The following CALD1 variants were observed in gnomAD, a reference collection of about 807,000 sequenced individuals.
The protein encoded by CALD1 is caldesmon.
In CALD1, 33 loss-of-function variants were observed where a neutral mutation model predicts 99.9. That is an observed-to-expected ratio of 0.33 (90% CI 0.25 to 0.44). The LOEUF is 0.44. Among genes scored for constraint, CALD1 ranks in the 20% least tolerant of loss-of-function variants. The probability of loss-of-function intolerance (pLI) is 1.00; values close to 1 mark genes in which losing one functional copy is unlikely to be tolerated. For synonymous variants in CALD1, 310 were observed against 325.0 expected, an observed-to-expected ratio of 0.95 and a Z score of 0.50; for missense variants, 861 against 962.1, an observed-to-expected ratio of 0.89 and a Z score of 1.39.
chr7:134,840,010 T>C (rs927087518), intron 1 of CALD1, among the ~76,000 whole-genome samples: 4 of 152,226 alleles, frequency 2.6e-5, no homozygotes, highest in African/African-American at 9.6e-5. Context: ...TCATCCATAT[T>C]GCTAATATTT....
At chr7:134,758,870 T>A (rs898027987) in intron 1 of CALD1, among the ~76,000 whole-genome samples, 1 of 152,052 alleles carries the variant, frequency 6.6e-6, no homozygotes, top group Non-Finnish European at 1.5e-5. Flanking sequence ...GTCACTCAGC[T>A]CAGCACCCAC....
At chr7:134,832,972 T>G (rs536812936) in intron 1 of CALD1, among the ~76,000 whole-genome samples, 2 of 152,246 alleles carry the variant, frequency 1.3e-5, no homozygotes, top group Non-Finnish European at 2.9e-5. Context: ...AATTATTGTC[T>G]TGTCTCTGGA....
chr7:134,830,444 T>G (rs1799175468), intron 1 of CALD1, among the ~76,000 whole-genome samples: 1 of 152,136 alleles, frequency 6.6e-6, no homozygotes, highest in African/African-American at 2.4e-5. Flanking sequence ...GTGCAGGATG[T>G]GCAGGTTTGT....
At chr7:134,800,013 AC>A in intron 1 of CALD1, among the ~76,000 whole-genome samples, 1 of 152,294 alleles carries the variant, frequency 6.6e-6, no homozygotes, top group East Asian at 1.9e-4. Context: ...GAATTAGTTA[AC>A]CTATAGAGGA....
At chr7:134,774,671 G>A (rs1038273873), upstream of CALD1, among the ~76,000 whole-genome samples, 6 of 152,140 alleles carry the variant, frequency 3.9e-5, no homozygotes, top group East Asian at 1.9e-4. Context: ...TCCATATTCC[G>A]AGGTTTTCCC....
chr7:134,914,940 T>C (rs1487742866), intron 3 of CALD1, among the ~76,000 whole-genome samples: 7 of 152,248 alleles, frequency 4.6e-5, no homozygotes, highest in Admixed American at 6.5e-5. Flanking sequence ...ATGAACTCCT[T>C]TCAGGGGTTG....
chr7:134,827,428 G>C (rs1008327998), intron 1 of CALD1, among the ~76,000 whole-genome samples: 26 of 152,136 alleles, frequency 1.7e-4, no homozygotes, highest in Admixed American at 1.7e-3. Context: ...CTCCATACCA[G>C]GTTCTATACT....
Position 134,968,877 on chromosome 7 carries a change from G to A in CALD1, c.*532G>A. On this transcript the variant is annotated 3_prime_UTR_variant, in exon 15 of 15. Transcript: ENST00000361675. ...TTGTCTTTAAAAAAAAAAAAGAAAT[G>A]TACTGTTAAGGTATTACTTTTTTTC... The A allele has an allele frequency of 5.3e-6, 1 of 188,482 alleles. No homozygotes were observed. The highest frequency in any genetic ancestry group is 1.2e-4 in the East Asian group (1 of 8,676). 11.7% of individuals were successfully genotyped at this position (188,482 alleles called of 1,614,324 possible).
At position 134,783,809 on chromosome 7, in the gene CALD1, A is replaced by G. The variant is rs566198808; in HGVS notation, c.-130+4060A>G. Among the ~76,000 whole-genome samples, 3 of 152,260 alleles carry G rather than the reference A, an allele frequency of 2.0e-5. No homozygotes were observed. Among genetic ancestry groups the G allele is most frequent in the Admixed American group, 6.5e-5 (1 of 15,290 alleles). On this transcript the variant is annotated intron_variant, in intron 1 of 14. Transcript: ENST00000361675. This position sits in a 1 kb window ranked among gnomAD's most constrained non-coding sequence, Gnocchi z 4.3. ...CAAGGGTGGATGGGATCAGAACATGAGTGGAGGTGTCCATGATCTGGAAGG... is the reference window on the plus strand; with the variant it reads ...CAAGGGTGGATGGGATCAGAACATGGGTGGAGGTGTCCATGATCTGGAAGG...
rs1292635352 is a variant in CALD1, at chr7:134,969,641, T to C, written c.*1296T>C. ...ATTTCTTCAAACTTTTCTACTTTTATTTGTCATTGATACCTGTAGTAAGTT... is the reference window on the plus strand; with the variant it reads ...ATTTCTTCAAACTTTTCTACTTTTACTTGTCATTGATACCTGTAGTAAGTT... On this transcript the variant is annotated 3_prime_UTR_variant, in exon 15 of 15. Coordinates refer to ENST00000361675, the MANE Select transcript of CALD1 (RefSeq NM_033138.4). 3 of 63,500 alleles carry C rather than the reference T, an allele frequency of 4.7e-5. No individual in the cohort carries two copies. Among genetic ancestry groups the C allele is most frequent in the African/African-American group, 1.3e-4 (3 of 22,356 alleles). 3.9% of individuals were successfully genotyped at this position (63,500 alleles called of 1,614,324 possible).
At chr7:134,912,064 T>C (rs981829959) in intron 3 of CALD1, among the ~76,000 whole-genome samples, 1 of 151,806 alleles carries the variant, frequency 6.6e-6, no homozygotes, top group Admixed American at 6.6e-5. Context: ...TTAAGTGTAA[T>C]CAAAGAGAGC....
chr7:134,784,569 T>G (rs1490279965), intron 1 of CALD1, among the ~76,000 whole-genome samples: 2 of 152,092 alleles, frequency 1.3e-5, no homozygotes, highest in Admixed American at 1.3e-4. Context: ...CTTAGTGAAG[T>G]AGTGTATGGA....
intron 2 of CALD1, among the ~76,000 whole-genome samples, chr7:134,855,540 A>C (rs1800261767): frequency 6.6e-6 from 1 of 152,202 alleles, no homozygotes; most frequent in South Asian, 2.1e-4. Context: ...GAAAAATAAT[A>C]CTCCAAATTC....
chr7:134,730,921 C>T, the CALD1 span, among the ~76,000 whole-genome samples: 1 of 152,080 alleles, frequency 6.6e-6, no homozygotes, highest in African/African-American at 2.4e-5. Context: ...CCCACCTATC[C>T]TACCTCATTG....
chr7:134,947,808 A>G, intron 8 of CALD1, 39 bp downstream of exon 8: 1 of 1,592,994 alleles, frequency 6.3e-7, no homozygotes, highest in Non-Finnish European at 8.5e-7. Flanking sequence ...GTTGCCCGGG[A>G]AAATTCCCTA....
chr7:134,950,666 T>C, intron 9 of CALD1, 152 bp downstream of exon 9: 2 of 646,316 alleles, frequency 3.1e-6, no homozygotes, highest in East Asian at 5.6e-5. Context: ...CAAAATACTT[T>C]AGACTGGGGC....
chr7:134,784,355 C>G (rs1352817775), intron 1 of CALD1, among the ~76,000 whole-genome samples: 1 of 152,244 alleles, frequency 6.6e-6, no homozygotes, highest in East Asian at 1.9e-4. Flanking sequence ...ACCAGGCTGA[C>G]TTCACCTTGT....
At chr7:134,906,012 C>T (rs1389948342) in intron 3 of CALD1, among the ~76,000 whole-genome samples, 5 of 150,250 alleles carry the variant, frequency 3.3e-5, no homozygotes, top group Middle Eastern at 3.4e-3. Flanking sequence ...TCACTGCAAC[C>T]TCCTTTTCCT....
chr7:134,758,599 G>A (rs1313045344), intron 1 of CALD1, among the ~76,000 whole-genome samples: 1 of 151,662 alleles, frequency 6.6e-6, no homozygotes, highest in African/African-American at 2.4e-5. Context: ...GATGGGAATG[G>A]TTAAAATGTG....
Sources: allele counts gnomAD v4.1 joint callset (sites outside exome capture counted in the v4.1 genomes callset), GRCh38; gene constraint gnomAD v4.1.1; non-coding constraint Gnocchi (gnomAD v3.1); transcripts MANE v1.5; gene names NCBI Gene and HGNC (gene_info 2026-07-23, HGNC 2026-07-21).